TRAFD1: variants seen among roughly 807,000 people sequenced by gnomAD.
The protein encoded by TRAFD1 is TRAF-type zinc finger domain-containing protein 1.
In TRAFD1, 38 loss-of-function variants were observed where a neutral mutation model predicts 65.3. That is an observed-to-expected ratio of 0.58 (90% CI 0.45 to 0.76). TRAFD1 has a LOEUF of 0.76. TRAFD1 is among the 30% of genes least tolerant of loss of function. The pLI is 0.00. For synonymous variants in TRAFD1, 223 were observed against 257.2 expected (o/e 0.87, Z 1.27); for missense variants, 631 against 712.6 (o/e 0.89, Z 1.30).
chr12:112,128,616 G>A (rs925323873), intron 1 of TRAFD1, among the ~76,000 whole-genome samples: 1 of 152,132 alleles, frequency 6.6e-6, no homozygotes, highest in African/African-American at 2.4e-5. Context: ...TTGACATCAT[G>A]TACCTTCTGA....
rs1395258891 is a variant in TRAFD1, at chr12:112,145,678, C to T, written c.927+16C>T. ...TGACCATCAGGTGTGTTATGAATTACTTGAGGACTTTTAGTAGGATTGTAT... is the reference window on the plus strand; with the variant it reads ...TGACCATCAGGTGTGTTATGAATTATTTGAGGACTTTTAGTAGGATTGTAT... On this transcript the variant is annotated intron_variant, in intron 7 of 11. Transcript: ENST00000412615. 5.6e-6 allele frequency: 9 copies of T among 1,612,938 alleles called. No homozygotes were observed. Among genetic ancestry groups the T allele is most frequent in the Middle Eastern group, 1.7e-4 (1 of 6,058 alleles).
At chr12:112,144,174 G>T (rs1010724016) in intron 6 of TRAFD1, among the ~76,000 whole-genome samples, 4 of 151,988 alleles carry the variant, frequency 2.6e-5, no homozygotes, top group African/African-American at 9.7e-5. Context: ...TGAACACCAA[G>T]TTTTCTAGCA....
intron 1 of TRAFD1, chr12:112,126,044 C>A (rs965379795): frequency 6.6e-6 from 1 of 152,312 alleles, no homozygotes. Context: ...CTCCGACCCG[C>A]TGGTGCTGTG....
chr12:112,152,716 G>A lies in TRAFD1; in HGVS notation c.1693-19G>A. On this transcript the variant is annotated intron_variant, in intron 11 of 11. Coordinates refer to ENST00000412615, the MANE Select transcript of TRAFD1 (RefSeq NM_006700.3). The surrounding 1 kb of genome is among the most constrained non-coding windows in gnomAD (Gnocchi z 5.0). ...TCACTTTTTATGTAAAGCTTCGTTT[G>A]TGTTGTGTTGTTCACCAGGCAAAGC... 1 of 1,614,206 alleles carries A rather than the reference G, an allele frequency of 6.2e-7. No individual in the cohort carries two copies. The highest frequency in any genetic ancestry group is 1.7e-5 in the Admixed American group (1 of 60,026).
Position 112,141,235 on chromosome 12 carries a change from C to T in TRAFD1, c.643+11C>T, listed in dbSNP as rs773418514. ...TTCAGAATAATCTGTGTGAGTTGTGCTTGGGATTAGGGAACTAGAATGGTA... is the reference window on the plus strand; with the variant it reads ...TTCAGAATAATCTGTGTGAGTTGTGTTTGGGATTAGGGAACTAGAATGGTA... On this transcript the variant is annotated intron_variant, in intron 5 of 11. Coordinates refer to ENST00000412615, the MANE Select transcript of TRAFD1 (RefSeq NM_006700.3). The T allele has an allele frequency of 4.3e-6, 7 of 1,612,140 alleles. No individual in the cohort carries two copies. The highest frequency in any genetic ancestry group is 5.9e-6 in the Non-Finnish European group (7 of 1,178,914).
chr12:112,131,290 G>A (rs1176500847), intron 2 of TRAFD1, among the ~76,000 whole-genome samples: 1 of 152,132 alleles, frequency 6.6e-6, no homozygotes, highest in East Asian at 1.9e-4. Flanking sequence ...ACATGATTTT[G>A]TAAGAAAAGA....
intron 8 of TRAFD1, 37 bp from the exon 9 acceptor site, chr12:112,149,714 C>G (rs764205528): frequency 6.2e-7 from 1 of 1,612,526 alleles, no homozygotes; most frequent in Non-Finnish European, 8.5e-7. Flanking sequence ...GGGAATGACT[C>G]AATTCAGAGG....
At chr12:112,145,918 G>A (rs907720886) in intron 7 of TRAFD1, among the ~76,000 whole-genome samples, 2 of 147,114 alleles carry the variant, frequency 1.4e-5, no homozygotes, top group African/African-American at 5.0e-5. Context: ...CTATCGCAAG[G>A]ACAAAAAACC....
intron 1 of TRAFD1, among the ~76,000 whole-genome samples, chr12:112,127,676 T>G (rs2079547122): frequency 6.6e-6 from 1 of 151,264 alleles, no homozygotes; most frequent in African/African-American, 2.4e-5. Flanking sequence ...TTGTTTTTTG[T>G]TTTTTTTGAG....
At chr12:112,131,939 T>C (rs2079568035) in intron 2 of TRAFD1, among the ~76,000 whole-genome samples, 1 of 152,238 alleles carries the variant, frequency 6.6e-6, no homozygotes, top group Admixed American at 6.5e-5. Flanking sequence ...TTGCTTCATA[T>C]TATGATGGTG....
In TRAFD1 at chr12:112,130,715, A is replaced by G. The variant is rs931271772; in HGVS notation, c.47+146A>G. 9.2e-6 allele frequency: 5 copies of G among 546,156 alleles called. No homozygotes were observed. In the Admixed American group the frequency reaches 1.1e-4, roughly 12 times the overall value. The allele number at this position is 546,156 out of a possible 1,614,324, so 33.8% of individuals were successfully genotyped here. A position where few individuals can be genotyped will look rare whatever the true frequency, so the allele number is the denominator to read the frequency against. On this transcript the variant is annotated intron_variant, in intron 2 of 11. Coordinates refer to ENST00000412615, the MANE Select transcript of TRAFD1 (RefSeq NM_006700.3). The surrounding 1 kb of genome is among the most constrained non-coding windows in gnomAD (Gnocchi z 4.4). ...TTGGTGTTTATAACCCACATGAATT[A>G]CAAGAAAGAGCATCTCTTTCCTGAT...
At chr12:112,151,742 C>A in intron 9 of TRAFD1, 59 bp from the exon 10 acceptor site, 1 of 1,509,048 alleles carries the variant, frequency 6.6e-7, no homozygotes, top group Non-Finnish European at 9.0e-7. Flanking sequence ...CTGCCCTAAA[C>A]CTGGCACTAT....
At chr12:112,131,549 A>G (rs2079566241) in intron 2 of TRAFD1, among the ~76,000 whole-genome samples, 1 of 152,210 alleles carries the variant, frequency 6.6e-6, no homozygotes, top group Non-Finnish European at 1.5e-5. Flanking sequence ...TAGTGTTTGG[A>G]AAGTTCTTGG....
intron 1 of TRAFD1, chr12:112,126,294 G>C (rs2079537026): frequency 6.6e-6 from 1 of 152,230 alleles, no homozygotes; most frequent in Non-Finnish European, 1.5e-5. Flanking sequence ...CGGGCAGAGG[G>C]ACGGTCCCCT....
intron 2 of TRAFD1, 120 bp from the exon 3 acceptor site, chr12:112,134,618 T>C: frequency 1.7e-6 from 2 of 1,203,912 alleles, no homozygotes; most frequent in Non-Finnish European, 2.3e-6. Flanking sequence ...AGGTATTCAC[T>C]AAAGATAAAT....
intron 9 of TRAFD1, among the ~76,000 whole-genome samples, chr12:112,150,545 G>A (rs1181455074): frequency 2.0e-5 from 3 of 151,992 alleles, no homozygotes; most frequent in East Asian, 1.9e-4. Context: ...CACTGTGACC[G>A]ACCTCAAACT....
At chr12:112,126,232 A>C (rs1426958378) in intron 1 of TRAFD1, 1 of 152,142 alleles carries the variant, frequency 6.6e-6, no homozygotes, top group Non-Finnish European at 1.5e-5. Context: ...GACGGGGGCG[A>C]TTGGAAACTG....
At chr12:112,127,053 T>C (rs1197128806) in intron 1 of TRAFD1, among the ~76,000 whole-genome samples, 2 of 152,268 alleles carry the variant, frequency 1.3e-5, no homozygotes, top group African/African-American at 2.4e-5. Context: ...CTGTCTGATA[T>C]GACAAGACCT....
chr12:112,148,012 G>C, intron 7 of TRAFD1, 62 bp from the exon 8 acceptor site: 3 of 1,401,730 alleles, frequency 2.1e-6, no homozygotes, highest in Non-Finnish European at 2.9e-6. Context: ...AAATATTTTA[G>C]GAATGTAGTT....
Sources: gnomAD v4.1 joint callset for allele counts (sites outside exome capture counted in the v4.1 genomes callset) on GRCh38, gnomAD v4.1.1 for gene constraint, Gnocchi (gnomAD v3.1) non-coding constraint, MANE v1.5 for transcripts, NCBI Gene and HGNC (gene_info 2026-07-23, HGNC 2026-07-21) for gene names.